FBXL17: variants seen among roughly 807,000 people sequenced by gnomAD.
FBXL17 encodes F-box and leucine rich repeat protein 17.
A neutral mutation model predicts 66.2 loss-of-function variants in FBXL17; 22 were observed. The ratio of observed to expected loss-of-function variants is 0.33; its 90% CI spans 0.24 to 0.47. The LOEUF is 0.47. Among genes scored for constraint, FBXL17 ranks in the 20% least tolerant of loss-of-function variants. The probability of loss-of-function intolerance (pLI) is 1.00; values close to 1 mark genes in which losing one functional copy is unlikely to be tolerated. For synonymous variants in FBXL17, 474 were observed against 400.5 expected (o/e 1.18, Z -2.19); for missense variants, 878 against 948.2 (o/e 0.93, Z 0.97).
At chr5:108,268,419 C>T (rs942742845) in intron 4 of FBXL17, among the ~76,000 whole-genome samples, 1 of 151,896 alleles carries the variant, frequency 6.6e-6, no homozygotes, top group Non-Finnish European at 1.5e-5. Context: ...AACTATGAAA[C>T]GGCTCTGGTT....
At chr5:108,197,427 C>T (rs558771730) in intron 5 of FBXL17, among the ~76,000 whole-genome samples, 1 of 152,270 alleles carries the variant, frequency 6.6e-6, no homozygotes, top group African/African-American at 2.4e-5. Flanking sequence ...AAAAAAGAGA[C>T]AGTTCACAAA....
intron 4 of FBXL17, among the ~76,000 whole-genome samples, chr5:108,254,428 G>A (rs766670782): frequency 6.6e-6 from 1 of 152,060 alleles, no homozygotes; most frequent in African/African-American, 2.4e-5. Context: ...AAACTGTCCC[G>A]AATGCTTTCC....
chr5:108,222,226 C>G (rs552563826), intron 5 of FBXL17, among the ~76,000 whole-genome samples: 4 of 152,252 alleles, frequency 2.6e-5, no homozygotes, highest in Admixed American at 2.6e-4. Context: ...ACTTACTGAT[C>G]TAATAAGTCT....
At chr5:107,903,182 C>T (rs1303511447) in intron 7 of FBXL17, among the ~76,000 whole-genome samples, 1 of 152,124 alleles carries the variant, frequency 6.6e-6, no homozygotes, top group Admixed American at 6.6e-5. Context: ...ACAGACCTTA[C>T]AACAGTGAGA....
intron 6 of FBXL17, among the ~76,000 whole-genome samples, chr5:108,069,362 A>T (rs1346419469): frequency 6.6e-6 from 1 of 152,232 alleles, no homozygotes; most frequent in Non-Finnish European, 1.5e-5. Context: ...ATTTTATTTT[A>T]AAAATAGGAA....
intron 2 of FBXL17, among the ~76,000 whole-genome samples, chr5:108,366,050 A>T (rs1224500367): frequency 1.3e-5 from 2 of 152,154 alleles, no homozygotes; most frequent in African/African-American, 4.8e-5. Flanking sequence ...TTTACACTTG[A>T]TATCAGATGA....
intron 6 of FBXL17, among the ~76,000 whole-genome samples, chr5:108,080,568 G>A (rs1039595399): frequency 6.6e-6 from 1 of 152,198 alleles, no homozygotes; most frequent in African/African-American, 2.4e-5. Flanking sequence ...TCAAGAGGTC[G>A]TGAAAACATG....
chr5:108,151,349 C>A (rs1338353970), intron 6 of FBXL17, among the ~76,000 whole-genome samples: 1 of 152,176 alleles, frequency 6.6e-6, no homozygotes, highest in South Asian at 2.1e-4. Context: ...TAAGAAAATT[C>A]TCTTTGCTTC....
At chr5:108,358,699 A>G (rs1748151383) in intron 3 of FBXL17, among the ~76,000 whole-genome samples, 1 of 152,148 alleles carries the variant, frequency 6.6e-6, no homozygotes, top group Non-Finnish European at 1.5e-5. Flanking sequence ...GCCCCACAGA[A>G]TAAGTTAAGA....
At chr5:108,032,535 G>A (rs1479687765) in intron 6 of FBXL17, among the ~76,000 whole-genome samples, 5 of 152,116 alleles carry the variant, frequency 3.3e-5, no homozygotes, top group African/African-American at 9.7e-5. Flanking sequence ...ACTCACAAGA[G>A]AGAGGCAAAT....
chr5:108,098,722 G>T (rs902000014), intron 6 of FBXL17, among the ~76,000 whole-genome samples: 1 of 136,778 alleles, frequency 7.3e-6, no homozygotes, highest in African/African-American at 2.8e-5. Context: ...TCCAGCCTGG[G>T]CAACAGAGCG....
At position 108,098,201 on chromosome 5, in the gene FBXL17, A is replaced by G. The variant is rs58243062; in HGVS notation, c.1746-77200T>C. 3.1e-3 allele frequency among the ~76,000 whole-genome samples: 472 copies of G among 152,308 alleles called. 4 individuals carry two copies. The highest frequency in any genetic ancestry group is 0.011 in the African/African-American group (460 of 41,566). ...ATCTGGGCTATCATATACTGCAAAG[A>G]TGATTTTCCTGTCTATCTGCAACAG... On this transcript the variant is annotated intron_variant, in intron 6 of 8. Transcript: ENST00000542267.
At chr5:107,949,852 A>G (rs1751439892) in intron 7 of FBXL17, among the ~76,000 whole-genome samples, 1 of 152,216 alleles carries the variant, frequency 6.6e-6, no homozygotes, top group Non-Finnish European at 1.5e-5. Flanking sequence ...AACAGGAAGT[A>G]GCTGAAACAG....
intron 6 of FBXL17, among the ~76,000 whole-genome samples, chr5:108,108,791 T>TG (rs888599764): frequency 6.6e-6 from 1 of 151,054 alleles, no homozygotes; most frequent in African/African-American, 2.4e-5. Context: ...TTTTTGTTTT[T>TG]TTTTTTTTTG....
chr5:108,025,731 A>T (rs66470416), intron 6 of FBXL17, among the ~76,000 whole-genome samples: 1 of 117,272 alleles, frequency 8.5e-6, no homozygotes, highest in Non-Finnish European at 1.8e-5. Flanking sequence ...GCGCGCGCAC[A>T]CACACACACA....
chr5:108,172,254 C>T (rs1005492725), intron 6 of FBXL17, among the ~76,000 whole-genome samples: 6 of 152,122 alleles, frequency 3.9e-5, no homozygotes, highest in South Asian at 2.1e-4. Context: ...ATTCCAAAAA[C>T]GCAAGAACAG....
chr5:108,334,154 A>T (rs1346554796), intron 4 of FBXL17, among the ~76,000 whole-genome samples: 1 of 152,138 alleles, frequency 6.6e-6, no homozygotes, highest in Non-Finnish European at 1.5e-5. Context: ...AATTAAGGTT[A>T]AAAAATAAAT....
chr5:107,882,265 A>T (rs1748815908), intron 7 of FBXL17, among the ~76,000 whole-genome samples: 1 of 152,236 alleles, frequency 6.6e-6, no homozygotes, highest in Non-Finnish European at 1.5e-5. Flanking sequence ...TGGATAATTT[A>T]GAGTTAAGTA....
rs538528953 is a variant in FBXL17 at position 108,082,034 on chromosome 5, G to A, written c.1746-61033C>T. Among the ~76,000 whole-genome samples the A allele has an allele frequency of 2.0e-5, 3 of 152,216 alleles. No homozygotes were observed. In the South Asian group the frequency reaches 6.2e-4, roughly 32 times the overall value. On this transcript the variant is annotated intron_variant, in intron 6 of 8. Coordinates refer to ENST00000542267, the MANE Select transcript of FBXL17 (RefSeq NM_001163315.3). ...CTCCAATATTGTTACGAGGGCAGAA[G>A]CCTAGTAGTTGAGAAAACATGGAAC...
Sources: allele counts gnomAD v4.1 joint callset (sites outside exome capture counted in the v4.1 genomes callset), GRCh38; gene constraint gnomAD v4.1.1; transcripts MANE v1.5; gene names NCBI Gene and HGNC (gene_info 2026-07-23, HGNC 2026-07-21).